The following ZNF407 variants were observed in gnomAD, a reference collection of about 807,000 sequenced individuals.
ZNF407 encodes zinc finger protein 407.
ZNF407 carries 17 observed loss-of-function variants against 131.2 expected under a neutral mutation model. The observed-to-expected ratio is 0.13, with a 90% CI of 0.09 to 0.19. The LOEUF (loss-of-function observed/expected upper bound fraction) is 0.19. ZNF407 is among the 10% of genes least tolerant of loss of function. The pLI, the probability that ZNF407 is intolerant of heterozygous loss-of-function variation, is 1.00. For synonymous variants in ZNF407, 1,156 were observed against 1,062.0 expected, an observed-to-expected ratio of 1.09 and a Z score of -1.72; for missense variants, 2,681 against 2,830.6, an observed-to-expected ratio of 0.95 and a Z score of 1.20.
At chr18:75,032,373 C>T (rs1973251433) in intron 8 of ZNF407, among the ~76,000 whole-genome samples, 1 of 152,172 alleles carries the variant, frequency 6.6e-6, no homozygotes, top group African/African-American at 2.4e-5. Flanking sequence ...AAGTTCCCTG[C>T]TTTTCCATGT....
chr18:74,665,333 A>C (rs139136803), intron 3 of ZNF407, among the ~76,000 whole-genome samples: 1 of 152,224 alleles, frequency 6.6e-6, no homozygotes, highest in African/African-American at 2.4e-5. Context: ...CAGGGCCTTC[A>C]CTTTCCACAT....
intron 4 of ZNF407, among the ~76,000 whole-genome samples, chr18:74,844,845 C>A (rs1970681255): frequency 6.6e-6 from 1 of 152,106 alleles, no homozygotes; most frequent in African/African-American, 2.4e-5. Context: ...AAGGACTCTT[C>A]AATGTTAAAC....
intron 8 of ZNF407, among the ~76,000 whole-genome samples, chr18:75,058,184 A>C (rs1973583367): frequency 6.6e-6 from 1 of 152,074 alleles, no homozygotes; most frequent in Non-Finnish European, 1.5e-5. Context: ...TCCACGCTGG[A>C]GATGTTGGCT....
At chr18:74,814,998 T>C (rs1970248391) in intron 4 of ZNF407, among the ~76,000 whole-genome samples, 1 of 151,762 alleles carries the variant, frequency 6.6e-6, no homozygotes, top group South Asian at 2.1e-4. Flanking sequence ...AATTTTACAA[T>C]GTAAAATTAC....
At chr18:74,601,416 T>C (rs1319117918) in intron 1 of ZNF407, among the ~76,000 whole-genome samples, 1 of 151,906 alleles carries the variant, frequency 6.6e-6, no homozygotes, top group African/African-American at 2.4e-5. Flanking sequence ...ATCCCAAGTC[T>C]CTTGGCATGA....
intron 4 of ZNF407, among the ~76,000 whole-genome samples, chr18:74,853,634 G>A (rs577575305): frequency 6.6e-6 from 1 of 152,134 alleles, no homozygotes; most frequent in African/African-American, 2.4e-5. Flanking sequence ...CAAAGAGTCT[G>A]CAGCGCTACC....
At chr18:74,965,916 G>A (rs1972404327) in intron 8 of ZNF407, among the ~76,000 whole-genome samples, 1 of 152,194 alleles carries the variant, frequency 6.6e-6, no homozygotes, top group Non-Finnish European at 1.5e-5. Flanking sequence ...GATGATCGAT[G>A]ATGTTGAGCA....
At chr18:74,662,198 TTTG>T (rs1985745416) in intron 3 of ZNF407, among the ~76,000 whole-genome samples, 1 of 152,202 alleles carries the variant, frequency 6.6e-6, no homozygotes, top group Admixed American at 6.5e-5. Flanking sequence ...CACATACGAT[TTTG>T]TTGTTGTTAA....
intron 3 of ZNF407, among the ~76,000 whole-genome samples, chr18:74,692,566 T>G (rs1474927951): frequency 6.6e-6 from 1 of 152,142 alleles, no homozygotes; most frequent in South Asian, 2.1e-4. Flanking sequence ...GTTCCTGCCC[T>G]TTTTCCTTGA....
chr18:74,913,130 C>T (rs1971697200), intron 7 of ZNF407, among the ~76,000 whole-genome samples: 1 of 152,182 alleles, frequency 6.6e-6, no homozygotes, highest in Non-Finnish European at 1.5e-5. Flanking sequence ...TAAATTGCTA[C>T]AATTCCTCTG....
chr18:74,945,515 T>C (rs139932903), intron 8 of ZNF407, among the ~76,000 whole-genome samples: 2,236 of 152,314 alleles, frequency 0.015, 29 homozygotes, highest in Middle Eastern at 0.027. Flanking sequence ...CTCTCAGAGC[T>C]GATTTTGTTT....
At chr18:74,698,590 C>G (rs1457282883) in intron 3 of ZNF407, among the ~76,000 whole-genome samples, 1 of 152,152 alleles carries the variant, frequency 6.6e-6, no homozygotes, top group Non-Finnish European at 1.5e-5. Flanking sequence ...TTAATCCTTG[C>G]AGGGGACATT....
At chr18:75,006,667 G>A (rs1007618504) in intron 8 of ZNF407, among the ~76,000 whole-genome samples, 1 of 152,162 alleles carries the variant, frequency 6.6e-6, no homozygotes, top group Admixed American at 6.5e-5. Flanking sequence ...TTGCCTTTTG[G>A]TACAGCAGTG....
chr18:74,818,398 T>C (rs1414231353), intron 4 of ZNF407, among the ~76,000 whole-genome samples: 2 of 152,262 alleles, frequency 1.3e-5, no homozygotes, highest in East Asian at 3.8e-4. Context: ...GACTTTGTAA[T>C]TTCTGTATTC....
chr18:74,815,361 C>T (rs1008882746), intron 4 of ZNF407, among the ~76,000 whole-genome samples: 1 of 152,146 alleles, frequency 6.6e-6, no homozygotes, highest in Non-Finnish European at 1.5e-5. Context: ...GTCACTGACG[C>T]ATCTCTGCTA....
At chr18:75,045,875 T>G (rs1973429686) in intron 8 of ZNF407, among the ~76,000 whole-genome samples, 1 of 152,196 alleles carries the variant, frequency 6.6e-6, no homozygotes, top group South Asian at 2.1e-4. Context: ...TCAAATATGT[T>G]GCTGTGTAAG....
At chr18:74,907,442 T>C (rs970730899) in intron 7 of ZNF407, among the ~76,000 whole-genome samples, 1 of 152,174 alleles carries the variant, frequency 6.6e-6, no homozygotes, top group Non-Finnish European at 1.5e-5. Context: ...TGAGGGTGTG[T>C]TGGCAGGTGA....
chr18:74,787,954 T>C (rs1306618379), intron 4 of ZNF407, among the ~76,000 whole-genome samples: 2 of 152,190 alleles, frequency 1.3e-5, no homozygotes, highest in African/African-American at 4.8e-5. Flanking sequence ...GAATTATTTC[T>C]CTCTGGTCTT....
intron 8 of ZNF407, among the ~76,000 whole-genome samples, chr18:75,052,365 GCCAT>G (rs749994515): frequency 2.0e-5 from 3 of 152,062 alleles, no homozygotes; most frequent in African/African-American, 7.2e-5. Context: ...ATTACGATGA[GCCAT>G]TTTTTGAACC....
Sources: gnomAD v4.1 joint callset for allele counts (sites outside exome capture counted in the v4.1 genomes callset) on GRCh38, gnomAD v4.1.1 for gene constraint, MANE v1.5 for transcripts, NCBI Gene and HGNC (gene_info 2026-07-23, HGNC 2026-07-21) for gene names.